The following TNPO3 variants were observed in gnomAD, a reference collection of about 807,000 sequenced individuals.
TNPO3 encodes transportin 3.
In TNPO3, 65 loss-of-function variants were observed where a neutral mutation model predicts 122.8. The ratio of observed to expected loss-of-function variants is 0.53; its 90% CI spans 0.43 to 0.65. The LOEUF (loss-of-function observed/expected upper bound fraction) is 0.65. Among genes scored for constraint, TNPO3 ranks in the 30% least tolerant of loss-of-function variants. TNPO3 has a pLI of 0.00. For synonymous variants in TNPO3, 372 were observed against 411.2 expected, an observed-to-expected ratio of 0.90 and a Z score of 1.15; for missense variants, 850 against 1,136.7, an observed-to-expected ratio of 0.75 and a Z score of 3.63.
rs371999782 is a variant in TNPO3, at chr7:129,053,091, G to A, written c.120+1560C>T. Among the ~76,000 whole-genome samples the A allele has an allele frequency of 7.2e-5, 11 of 152,212 alleles. No homozygotes were observed. The East Asian group carries it at 1.7e-3, about 24-fold the overall frequency. ...TATAATCCCAGCACTTTGGGAGGCC[G>A]AGGCGGGCGGATCACCTGAGGTCGG... is the stretch of plus-strand genomic sequence containing the variant. On this transcript the variant is annotated intron_variant, in intron 1 of 22. Coordinates refer to ENST00000265388, the MANE Select transcript of TNPO3 (RefSeq NM_012470.4).
chr7:128,957,216 A>G lies in TNPO3; in HGVS notation c.*31+8T>C. The G allele has an allele frequency of 6.2e-7, 1 of 1,612,858 alleles. No individual in the cohort carries two copies. The highest frequency in any genetic ancestry group is 1.1e-5 in the South Asian group (1 of 91,058). ...TCCGGACAAAAGCTGGGAACTATGT[A>G]TCCTCACCTGGGTGACAGGCACAGT... On this transcript the variant is annotated splice_region_variant and intron_variant, in intron 22 of 22. Transcript: ENST00000265388.
chr7:129,003,386 A>G (rs1802218526), intron 5 of TNPO3, among the ~76,000 whole-genome samples: 2 of 139,428 alleles, frequency 1.4e-5, no homozygotes, highest in Admixed American at 7.1e-5. Context: ...AAAATGTGAC[A>G]TGGCCAGGTG....
chr7:129,043,409 A>C (rs1807644068), intron 1 of TNPO3, among the ~76,000 whole-genome samples: 3 of 152,192 alleles, frequency 2.0e-5, no homozygotes, highest in Admixed American at 2.0e-4. Flanking sequence ...TATCTCTAAA[A>C]TAAACTGAAA....
At chr7:128,963,472 G>C (rs1797659944) in intron 21 of TNPO3, among the ~76,000 whole-genome samples, 1 of 152,188 alleles carries the variant, frequency 6.6e-6, no homozygotes, top group Non-Finnish European at 1.5e-5. Flanking sequence ...AAGATTCATA[G>C]TAAAAGCAAT....
At chr7:129,042,355 T>A (rs1563112583) in intron 1 of TNPO3, among the ~76,000 whole-genome samples, 1 of 152,046 alleles carries the variant, frequency 6.6e-6, no homozygotes, top group Non-Finnish European at 1.5e-5. Context: ...GAAGACTACA[T>A]CAGAACACAG....
At chr7:129,027,558 CAAAAAAAAAAAA>C (rs71162549) in intron 1 of TNPO3, among the ~76,000 whole-genome samples, 15 of 8,970 alleles carry the variant, frequency 1.7e-3, no homozygotes, top group Admixed American at 0.015. Context: ...AAGACTGTCT[CAAAAAAAAAAAA>C]AAAAAAAAAA....
At chr7:128,978,887 C>A in intron 16 of TNPO3, 96 bp downstream of exon 16, 1 of 1,460,966 alleles carries the variant, frequency 6.8e-7, no homozygotes, top group Non-Finnish European at 9.3e-7. Context: ...CTGCATAGGC[C>A]TCCCAAAGTG....
intron 22 of TNPO3, 143 bp downstream of exon 22, chr7:128,957,081 T>C (rs899244626): frequency 1.4e-5 from 10 of 703,788 alleles, no homozygotes; most frequent in Non-Finnish European, 2.4e-5. Flanking sequence ...ATTCCAGCTG[T>C]TCACCACAGT....
At chr7:129,050,744 C>T (rs1356329165) in intron 1 of TNPO3, among the ~76,000 whole-genome samples, 1 of 152,174 alleles carries the variant, frequency 6.6e-6, no homozygotes, top group Non-Finnish European at 1.5e-5. Context: ...GGCAGTCTAG[C>T]TTATAACCCC....
In TNPO3 at chr7:129,005,004, G is replaced by A. The variant is rs1021320345; in HGVS notation, c.696+12C>T. ...TGGCAGAAATACTTTGATAAATAAG[G>A]TCATTACTTACCAAAACCTCAAAAA... On this transcript the variant is annotated intron_variant, in intron 5 of 22. Transcript: ENST00000265388. The A allele has an allele frequency of 6.2e-7, 1 of 1,610,008 alleles. No homozygotes were observed. The highest frequency in any genetic ancestry group is 1.3e-5 in the African/African-American group (1 of 74,740).
chr7:129,022,504 A>T (rs1804641735), intron 1 of TNPO3, among the ~76,000 whole-genome samples: 1 of 151,916 alleles, frequency 6.6e-6, no homozygotes, highest in Admixed American at 6.6e-5. Flanking sequence ...GTTGGGGGGT[A>T]GGGGAGAAAG....
rs562265164 is a variant in TNPO3 at position 128,966,189 on chromosome 7, G to A, written c.2711+1091C>T. On this transcript the variant is annotated intron_variant, in intron 21 of 22. Coordinates refer to ENST00000265388, the MANE Select transcript of TNPO3 (RefSeq NM_012470.4). ...TACAATTTATCTTGTATATTTTTCC[G>A]TATTATCACATATTTCTTCTTCCTT... Among the ~76,000 whole-genome samples, 11 of 151,960 alleles carry A rather than the reference G, an allele frequency of 7.2e-5. No individual in the cohort carries two copies. In the East Asian group the frequency reaches 7.7e-4, roughly 11 times the overall value.
intron 21 of TNPO3, among the ~76,000 whole-genome samples, chr7:128,960,249 T>C (rs1797310685): frequency 6.6e-6 from 1 of 152,188 alleles, no homozygotes; most frequent in Non-Finnish European, 1.5e-5. Context: ...TATACAATAA[T>C]TGATCATAAG....
At chr7:129,001,675 T>G (rs1156632086) in intron 5 of TNPO3, among the ~76,000 whole-genome samples, 1 of 152,228 alleles carries the variant, frequency 6.6e-6, no homozygotes, top group African/African-American at 2.4e-5. Flanking sequence ...TCTGAACATG[T>G]ACTTTAAATG....
At position 128,973,833 on chromosome 7, in the gene TNPO3, A is replaced by C. The variant is rs1339011900; in HGVS notation, c.2273+1035T>G. 3.3e-5 allele frequency among the ~76,000 whole-genome samples: 5 copies of C among 150,594 alleles called. 1 individual carries two copies. Among genetic ancestry groups the C allele is most frequent in the African/African-American group, 4.9e-5 (2 of 41,154 alleles). On this transcript the variant is annotated intron_variant, in intron 18 of 22. Coordinates refer to ENST00000265388, the MANE Select transcript of TNPO3 (RefSeq NM_012470.4). ...AAAAAAAAAAAAGAAAAGGAAAAAA[A>C]AAGGGTTTTTCTAACCTATCCAAAA...
intron 10 of TNPO3, 55 bp downstream of exon 10, chr7:128,991,944 T>C: frequency 7.7e-7 from 1 of 1,296,362 alleles, no homozygotes; most frequent in Non-Finnish European, 1.1e-6. Flanking sequence ...AATAGTGTCA[T>C]TTTCCTTCCT....
At chr7:128,987,258 G>C (rs956409939) in intron 11 of TNPO3, among the ~76,000 whole-genome samples, 4 of 152,290 alleles carry the variant, frequency 2.6e-5, no homozygotes, top group Middle Eastern at 3.4e-3. Context: ...ATGTAAGAAA[G>C]AATGCAAAGC....
intron 15 of TNPO3, 53 bp downstream of exon 15, chr7:128,979,918 T>C: frequency 1.3e-6 from 2 of 1,545,372 alleles, no homozygotes; most frequent in South Asian, 1.1e-5. Context: ...CCCAAAGCCC[T>C]GTAAGGAAAA....
intron 1 of TNPO3, among the ~76,000 whole-genome samples, chr7:129,021,634 A>C (rs1395241542): frequency 2.0e-5 from 3 of 152,216 alleles, no homozygotes; most frequent in Non-Finnish European, 4.4e-5. Flanking sequence ...AAAATAAGCA[A>C]CTGAGGTCAA....
Sources: allele counts gnomAD v4.1 joint callset (sites outside exome capture counted in the v4.1 genomes callset), GRCh38; gene constraint gnomAD v4.1.1; transcripts MANE v1.5; gene names NCBI Gene and HGNC (gene_info 2026-07-23, HGNC 2026-07-21).